Variants in UNC80 observed in about 807,000 individuals in gnomAD.
UNC80 encodes unc-80 subunit of NALCN channel complex.
Under a neutral mutation model 384.6 loss-of-function variants are expected in UNC80, and 164 were observed. That is an observed-to-expected ratio of 0.43 (90% confidence interval 0.38 to 0.49). The LOEUF (loss-of-function observed/expected upper bound fraction) is 0.49. Among genes scored for constraint, UNC80 ranks in the 20% least tolerant of loss-of-function variants. The probability of loss-of-function intolerance (pLI) is 0.00; values close to 1 mark genes in which losing one functional copy is unlikely to be tolerated. For missense variants in UNC80, 3,330 were observed against 4,143.0 expected (o/e 0.80, Z 5.39); for synonymous variants, 1,486 against 1,527.8 (o/e 0.97, Z 0.64).
At chr2:209,957,811 G>T in intron 49 of UNC80, 75 bp downstream of exon 49, 1 of 1,387,818 alleles carries the variant, frequency 7.2e-7, no homozygotes, top group Non-Finnish European at 1.0e-6. Context: ...GAGAATGAAA[G>T]GAACCCTGAA....
chr2:209,974,357 G>C (rs1372271468), intron 56 of UNC80, among the ~76,000 whole-genome samples: 1 of 152,202 alleles, frequency 6.6e-6, no homozygotes, highest in Non-Finnish European at 1.5e-5. Flanking sequence ...GTATACAAAA[G>C]TAGAATTCAA....
At chr2:209,826,203 A>G in intron 14 of UNC80, 150 bp downstream of exon 14, 4 of 1,022,496 alleles carry the variant, frequency 3.9e-6, no homozygotes, top group Non-Finnish European at 5.3e-6. Context: ...GGAGATTCTC[A>G]TGAGATATCT....
At chr2:209,799,252 G>A (rs182276712) in intron 7 of UNC80, among the ~76,000 whole-genome samples, 3 of 152,074 alleles carry the variant, frequency 2.0e-5, no homozygotes, top group Admixed American at 1.3e-4. Flanking sequence ...ATTTCCCTGA[G>A]CAGTGGTTTG....
chr2:209,773,658 T>A (rs867420613), intron 2 of UNC80, among the ~76,000 whole-genome samples: 3 of 152,258 alleles, frequency 2.0e-5, no homozygotes, highest in Middle Eastern at 3.4e-3. Context: ...GGGAACCAGG[T>A]GGTGTAGGGT....
chr2:209,778,513 T>C (rs1559075441), intron 4 of UNC80, among the ~76,000 whole-genome samples: 1 of 152,204 alleles, frequency 6.6e-6, no homozygotes, highest in Non-Finnish European at 1.5e-5. Context: ...ATACAAAACA[T>C]AGGATTACAT....
At chr2:209,781,555 T>C (rs1409766752) in intron 4 of UNC80, among the ~76,000 whole-genome samples, 1 of 152,198 alleles carries the variant, frequency 6.6e-6, no homozygotes, top group Non-Finnish European at 1.5e-5. Context: ...GGTTCAGTTC[T>C]CCTGATGACA....
At chr2:209,787,179 G>T (rs1006668973) in intron 5 of UNC80, among the ~76,000 whole-genome samples, 2 of 111,516 alleles carry the variant, frequency 1.8e-5, no homozygotes, top group Admixed American at 1.6e-4. Context: ...AGACAGCATG[G>T]CCAGAAGAAA....
intron 7 of UNC80, among the ~76,000 whole-genome samples, chr2:209,804,796 C>T (rs2191904): frequency 0.51 from 75,499 of 147,996 alleles, 20,710 homozygotes; most frequent in East Asian, 0.62. Flanking sequence ...GACAAAGTCT[C>T]GCTCTGTCAC....
At chr2:209,862,724 G>A (rs2083439209) in intron 22 of UNC80, among the ~76,000 whole-genome samples, 1 of 140,218 alleles carries the variant, frequency 7.1e-6, no homozygotes, top group African/African-American at 2.7e-5. Flanking sequence ...GCCTATGTGT[G>A]TCTTTGCAAG....
At position 209,934,735 on chromosome 2, in the gene UNC80, G is replaced by A. The variant is rs113390682; in HGVS notation, c.6178+730G>A. ...TTATTTCTCAAAGCTTTCTTTCTTT[G>A]TGTATAAAATAGGGATATAATTCAT... On this transcript the variant is annotated intron_variant, in intron 39 of 64. Coordinates refer to ENST00000673920, the MANE Select transcript of UNC80 (RefSeq NM_001371986.1). Among the ~76,000 whole-genome samples the A allele has an allele frequency of 2.9e-3, 440 of 152,218 alleles. 1 individual carries two copies. Among genetic ancestry groups the A allele is most frequent in the African/African-American group, 0.01 (421 of 41,536 alleles).
intron 51 of UNC80, among the ~76,000 whole-genome samples, chr2:209,963,787 A>G (rs1045906172): frequency 3.3e-5 from 5 of 152,192 alleles, no homozygotes; most frequent in Non-Finnish European, 7.3e-5. Flanking sequence ...AGACAATGGG[A>G]ATTAAGAGAC....
rs1052143996 is a variant in UNC80, at chr2:209,888,131, T to C, written c.4147T>C (p.Leu1383=). The part of the protein sequence containing the change: ...ESCRLRLDPE[L]DRHRYERKIS... ...CTGCAGACTTCGTTTGGATCCCGAG[T>C]TGGACCGGCACAGATATGAGAGGAA... The change falls in exon 26 of 65, where the codon TTG becomes CTG. Residue 1383 remains leucine (L), a synonymous_variant. Coordinates refer to ENST00000673920, the MANE Select transcript of UNC80 (RefSeq NM_001371986.1). 38 of 1,551,646 alleles carry C rather than the reference T, an allele frequency of 2.4e-5. No individual in the cohort carries two copies. Among genetic ancestry groups the C allele is most frequent in the Non-Finnish European group, 3.2e-5 (37 of 1,146,974 alleles).
At chr2:209,984,512 T>A (rs2093238230) in intron 60 of UNC80, among the ~76,000 whole-genome samples, 3 of 152,170 alleles carry the variant, frequency 2.0e-5, no homozygotes, top group Admixed American at 2.0e-4. Context: ...AGCCAAATGG[T>A]TACCAAAGGA....
intron 18 of UNC80, among the ~76,000 whole-genome samples, chr2:209,837,612 T>C (rs879764434): frequency 6.6e-6 from 1 of 152,146 alleles, no homozygotes; most frequent in Non-Finnish European, 1.5e-5. Flanking sequence ...CATATAATAG[T>C]CCTCTAAAAT....
rs151294555 is a variant in UNC80 at position 209,847,716 on chromosome 2, A to G, written c.3455-1735A>G. On this transcript the variant is annotated intron_variant, in intron 21 of 64. Transcript: ENST00000673920. The stretch of plus-strand genomic sequence containing the variant: ...AATCTTGTCAAATAAAAATTGAAGA[A>G]ATTTGTGAAATACATATTCTTCATG... 4.9e-3 allele frequency among the ~76,000 whole-genome samples: 739 copies of G among 152,134 alleles called. 8 individuals carry two copies. The highest frequency in any genetic ancestry group is 0.017 in the African/African-American group (689 of 41,572).
chr2:209,946,508 G>T (rs527516891), intron 47 of UNC80, among the ~76,000 whole-genome samples: 1 of 152,278 alleles, frequency 6.6e-6, no homozygotes, highest in East Asian at 1.9e-4. Flanking sequence ...CAGATGCTAA[G>T]GTATTTAGTC....
intron 7 of UNC80, among the ~76,000 whole-genome samples, chr2:209,801,057 C>T (rs928826659): frequency 1.3e-5 from 2 of 152,070 alleles, no homozygotes; most frequent in African/African-American, 4.8e-5. Context: ...GTTCTGTAAA[C>T]GTCTACTAAG....
chr2:209,978,755 C>T (rs372621832), intron 59 of UNC80, 47 bp downstream of exon 59: 30 of 1,432,134 alleles, frequency 2.1e-5, no homozygotes, highest in South Asian at 1.0e-4. Flanking sequence ...CCTGGCCATA[C>T]GAGCAGGGGC....
At chr2:209,930,730 C>T (rs1430945654) in intron 37 of UNC80, among the ~76,000 whole-genome samples, 2 of 152,092 alleles carry the variant, frequency 1.3e-5, no homozygotes. Context: ...AGAACAAAGT[C>T]GTTTACTGCT....
Sources: allele counts gnomAD v4.1 joint callset (sites outside exome capture counted in the v4.1 genomes callset), GRCh38; gene constraint gnomAD v4.1.1; transcripts MANE v1.5; gene names NCBI Gene and HGNC (gene_info 2026-07-23, HGNC 2026-07-21).